Variants in EPHA3 observed in about 807,000 individuals in gnomAD.
EPHA3 encodes the protein ephrin type-A receptor 3.
In EPHA3, 42 loss-of-function variants were observed where a neutral mutation model predicts 107.1. The ratio of observed to expected loss-of-function variants is 0.39; its 90% CI spans 0.31 to 0.51. The LOEUF (loss-of-function observed/expected upper bound fraction) is 0.51, where lower values mean the gene tolerates loss of function less well. EPHA3 is among the 20% of genes least tolerant of loss of function. EPHA3 has a pLI of 0.78. For synonymous variants in EPHA3, 461 were observed against 424.8 expected, an observed-to-expected ratio of 1.09 and a Z score of -1.05; for missense variants, 1,183 against 1,211.2, an observed-to-expected ratio of 0.98 and a Z score of 0.35.
chr3:89,161,563 T>C (rs898386260), intron 2 of EPHA3, among the ~76,000 whole-genome samples: 3 of 152,182 alleles, frequency 2.0e-5, no homozygotes, highest in Non-Finnish European at 4.4e-5. Context: ...GGATATACCA[T>C]GATTTATTTA....
At chr3:89,352,452 T>C (rs940809708) in intron 5 of EPHA3, among the ~76,000 whole-genome samples, 2 of 151,414 alleles carry the variant, frequency 1.3e-5, no homozygotes, top group African/African-American at 4.8e-5. Flanking sequence ...AAAACGTTTA[T>C]AGGCTTTCTC....
chr3:89,265,426 A>G (rs1197821398), intron 3 of EPHA3, among the ~76,000 whole-genome samples: 1 of 152,200 alleles, frequency 6.6e-6, no homozygotes, highest in Non-Finnish European at 1.5e-5. Context: ...TATTTTCTAA[A>G]AAATGTTGCT....
chr3:89,478,743 G>T (rs1254307986), intron 16 of EPHA3, among the ~76,000 whole-genome samples: 2 of 152,200 alleles, frequency 1.3e-5, no homozygotes, highest in East Asian at 1.9e-4. Flanking sequence ...GCAGTCCCCA[G>T]ATTCAAGGGA....
At chr3:89,217,237 A>C (rs78899902) in intron 3 of EPHA3, among the ~76,000 whole-genome samples, 2,847 of 152,264 alleles carry the variant, frequency 0.019, 57 homozygotes, top group Admixed American at 0.042. Flanking sequence ...AAGTGCTCTT[A>C]AAGAAAGAGC....
At chr3:89,159,920 C>G (rs1203949181) in intron 2 of EPHA3, among the ~76,000 whole-genome samples, 1 of 151,868 alleles carries the variant, frequency 6.6e-6, no homozygotes, top group Non-Finnish European at 1.5e-5. Context: ...TTCTTTGCTT[C>G]CTTCCTTCCT....
intron 3 of EPHA3, among the ~76,000 whole-genome samples, chr3:89,279,815 T>C (rs183543475): frequency 6.6e-6 from 1 of 152,150 alleles, no homozygotes; most frequent in East Asian, 1.9e-4. Context: ...TAACAATAAA[T>C]AATATCAAAG....
chr3:89,442,216 A>G (rs1709799837), intron 13 of EPHA3, among the ~76,000 whole-genome samples: 1 of 152,142 alleles, frequency 6.6e-6, no homozygotes, highest in Non-Finnish European at 1.5e-5. Context: ...AAATTCCAGA[A>G]GGGATATTAT....
intron 15 of EPHA3, among the ~76,000 whole-genome samples, chr3:89,470,321 C>T (rs113386137): frequency 6.6e-6 from 1 of 152,056 alleles, no homozygotes; most frequent in South Asian, 2.1e-4. Context: ...TCATTGCATT[C>T]CCAGCATTAT....
At chr3:89,472,695 C>A in intron 16 of EPHA3, 76 bp downstream of exon 16, 1 of 1,431,610 alleles carries the variant, frequency 7.0e-7, no homozygotes. Context: ...AGATTTGTAA[C>A]ATCTTGGCTT....
intron 1 of EPHA3, among the ~76,000 whole-genome samples, chr3:89,114,704 C>T (rs1294652185): frequency 1.3e-5 from 2 of 151,930 alleles, no homozygotes; most frequent in Non-Finnish European, 2.9e-5. Context: ...GAGCGGAGAG[C>T]GAAGGTGCAA....
intron 15 of EPHA3, among the ~76,000 whole-genome samples, chr3:89,468,268 T>A (rs2107571438): frequency 6.6e-6 from 1 of 151,804 alleles, no homozygotes; most frequent in Middle Eastern, 3.4e-3. Context: ...TTTTTTTGTC[T>A]TGGATGCACT....
At chr3:89,167,640 G>T (rs933954381) in intron 2 of EPHA3, among the ~76,000 whole-genome samples, 1 of 152,102 alleles carries the variant, frequency 6.6e-6, no homozygotes, top group Non-Finnish European at 1.5e-5. Flanking sequence ...AGTCAAAGTT[G>T]AATACACTGA....
intron 2 of EPHA3, among the ~76,000 whole-genome samples, chr3:89,128,354 G>T (rs1704135898): frequency 1.3e-5 from 2 of 152,192 alleles, no homozygotes; most frequent in South Asian, 4.1e-4. Context: ...AGTTACTTTA[G>T]AGGAGAGAGT....
chr3:89,261,269 G>C (rs995720198), intron 3 of EPHA3, among the ~76,000 whole-genome samples: 2 of 152,064 alleles, frequency 1.3e-5, no homozygotes, highest in South Asian at 4.2e-4. Flanking sequence ...AAAGTCACTC[G>C]TGCCTCAGAC....
At chr3:89,383,564 G>C (rs1708551684) in intron 5 of EPHA3, among the ~76,000 whole-genome samples, 1 of 148,566 alleles carries the variant, frequency 6.7e-6, no homozygotes, top group African/African-American at 2.5e-5. Context: ...ACAGATTTAT[G>C]ACCTCAGCAG....
chr3:89,371,681 T>C lies in EPHA3; in HGVS notation c.1307-24156T>C, dbSNP rs1167480227. ...TGGGAAGAGTTTTGCTAGTTTGTCTTCCTCTACTTGGTTTATTGTACAAGG... is the reference window on the plus strand; with the variant it reads ...TGGGAAGAGTTTTGCTAGTTTGTCTCCCTCTACTTGGTTTATTGTACAAGG... On this transcript the variant is annotated intron_variant, in intron 5 of 16. Coordinates refer to ENST00000336596, the MANE Select transcript of EPHA3 (RefSeq NM_005233.6). 4.0e-5 allele frequency among the ~76,000 whole-genome samples: 6 copies of C among 151,404 alleles called. No individual in the cohort carries two copies. In the South Asian group the frequency reaches 1.2e-3, roughly 31 times the overall value.
intron 3 of EPHA3, among the ~76,000 whole-genome samples, chr3:89,264,029 C>T (rs1447269833): frequency 1.3e-5 from 2 of 152,074 alleles, no homozygotes; most frequent in Non-Finnish European, 2.9e-5. Context: ...TGCAACACAG[C>T]CCAACATTCC....
rs1710583727 is a variant in EPHA3 at position 89,479,465 on chromosome 3, T to C, written c.2915T>C (p.Leu972Pro). Residue 972 changes from leucine to proline, a missense_variant, in exon 17 of 17, where the codon CTA (leucine) becomes CCA (proline). By Grantham distance (98) the Leu-to-Pro change is moderately conservative (BLOSUM62 -3). Transcript: ENST00000336596. ...AAGATCATCAGTAGCATTAAAGCTC[T>C]AGAAACGCAATCAAAGAATGGCCCA... is the stretch of plus-strand genomic sequence containing the variant. The part of the protein sequence containing the change: ...QKKIISSIKA[L>P]ETQSKNGPVP... The C allele has an allele frequency of 6.2e-7, 1 of 1,614,132 alleles. No homozygotes were observed. The highest frequency in any genetic ancestry group is 2.2e-5 in the East Asian group (1 of 44,872).
chr3:89,434,052 T>C (rs1709619236), intron 13 of EPHA3, among the ~76,000 whole-genome samples: 6 of 152,178 alleles, frequency 3.9e-5, no homozygotes, highest in Admixed American at 3.9e-4. Flanking sequence ...CCATGAAAAG[T>C]ATCATGCTTA....
Sources: gnomAD v4.1 joint callset for allele counts (sites outside exome capture counted in the v4.1 genomes callset) on GRCh38, gnomAD v4.1.1 for gene constraint, MANE v1.5 for transcripts, NCBI Gene and HGNC (gene_info 2026-07-23, HGNC 2026-07-21) for gene names.